Variants in AMIGO1 observed in about 807,000 individuals in gnomAD.
AMIGO1 encodes the protein adhesion molecule with Ig like domain 1.
For missense variants in AMIGO1, 361 were observed against 612.3 expected, an observed-to-expected ratio of 0.59 and a Z score of 4.33; for synonymous variants, 249 against 266.3, an observed-to-expected ratio of 0.93 and a Z score of 0.63.
rs1658005150 is a variant in AMIGO1 at position 109,505,780 on chromosome 1, T to G, written c.*1651A>C. On this transcript the variant is annotated 3_prime_UTR_variant, in exon 2 of 2. Coordinates refer to ENST00000369864, the MANE Select transcript of AMIGO1 (RefSeq NM_020703.4). ...CAGAAATCTAGAGGATCTGGAGAAC[T>G]TCCAATGGACTAGAAACGTGGGAGA... The G allele has an allele frequency of 6.6e-6, 1 of 152,148 alleles. No individual in the cohort carries two copies. The highest frequency in any genetic ancestry group is 6.5e-5 in the Admixed American group (1 of 15,290). The allele number at this position is 152,148 out of a possible 1,614,324, so 9.4% of individuals were successfully genotyped here.
Position 109,507,347 on chromosome 1 carries a change from G to A in AMIGO1, c.*84C>T. 1 of 1,507,438 alleles carries A rather than the reference G, an allele frequency of 6.6e-7. No individual in the cohort carries two copies. Among genetic ancestry groups the A allele is most frequent in the Non-Finnish European group, 8.9e-7 (1 of 1,123,686 alleles). 93.4% of individuals were successfully genotyped at this position (1,507,438 alleles called of 1,614,324 possible). A position where few individuals can be genotyped will look rare whatever the true frequency, so the allele number is the denominator to read the frequency against. On this transcript the variant is annotated 3_prime_UTR_variant, in exon 2 of 2. Coordinates refer to ENST00000369864, the MANE Select transcript of AMIGO1 (RefSeq NM_020703.4). The surrounding 1 kb of genome is among the most constrained non-coding windows in gnomAD (Gnocchi z 4.7). ...CAGGAGGAATCCATTCCCTTGGGCA[G>A]CCAGCCCTCTCTTCCATCCCCTCAT...
chr1:109,509,098 G>T, intron 1 of AMIGO1, 99 bp from the exon 2 acceptor site: 1 of 672,618 alleles, frequency 1.5e-6, no homozygotes, highest in Non-Finnish European at 2.5e-6. Context: ...CCCCCTTTGG[G>T]CTAGGAGAGA....
rs1201914548 is a variant in AMIGO1 at position 109,508,198 on chromosome 1, G to A, written c.715C>T (p.Arg239Trp). The A allele has an allele frequency of 1.2e-6, 2 of 1,614,104 alleles. No homozygotes were observed. Among genetic ancestry groups the A allele is most frequent in the Non-Finnish European group, 1.7e-6 (2 of 1,180,046 alleles). ...AAGTCCATCACGGAGCTCAGCTGCC[G>A]ATACTGCCAGTGTGAAAACAGCTGG... The part of the protein sequence containing the change: ...LYQLFSHWQY[R>W]QLSSVMDFQE... The change falls in exon 2 of 2, where the codon CGG (arginine) becomes TGG (tryptophan). Residue 239 changes from arginine to tryptophan, a missense_variant. Transcript: ENST00000369864. This position sits in a 1 kb window ranked among gnomAD's most constrained non-coding sequence, Gnocchi z 7.8.
In AMIGO1 at chr1:109,509,696, C is replaced by G. The variant is rs1571124645; in HGVS notation, c.-364G>C. On this transcript the variant is annotated 5_prime_UTR_variant, in exon 1 of 2. Transcript: ENST00000369864. ...GCGGGGAGCCGGAGGCGCAGCGATC[C>G]CAGCGGAGGGAGCGGCGTGGGGGCA... 6.7e-6 allele frequency: 1 copy of G among 150,362 alleles called. No individual in the cohort carries two copies. Among genetic ancestry groups the G allele is most frequent in the South Asian group, 2.1e-4 (1 of 4,826 alleles). The allele number at this position is 150,362 out of a possible 1,614,324, so 9.3% of individuals were successfully genotyped here. A position where few individuals can be genotyped will look rare whatever the true frequency, so the allele number is the denominator to read the frequency against.
Position 109,507,634 on chromosome 1 carries a change from G to A in AMIGO1, c.1279C>T (p.Pro427Ser), listed in dbSNP as rs747011267. The A allele has an allele frequency of 3.1e-6, 5 of 1,614,148 alleles. No homozygotes were observed. The South Asian group carries it at 4.4e-5, about 14-fold the overall frequency. Residue 427 changes from proline (P) to serine (S), a missense_variant, in exon 2 of 2, where the codon CCT becomes TCT. Pro to Ser is a moderately conservative substitution (Grantham distance 74). Coordinates refer to ENST00000369864, the MANE Select transcript of AMIGO1 (RefSeq NM_020703.4). This position sits in a 1 kb window ranked among gnomAD's most constrained non-coding sequence, Gnocchi z 4.7. ...TCATCTTTGTCCCCACCAGCCATAG[G>A]ATCATGGTTGGGTGTGGTACTAAGC... ...SMLSTTPNHD[P>S]MAGGDKDDGF... is the part of the protein sequence containing the mutation.
Position 109,508,421 on chromosome 1 carries a change from G to A in AMIGO1, c.492C>T (p.Tyr164=). The change falls in exon 2 of 2, where the codon TAC becomes TAT. Residue 164 remains tyrosine, a synonymous_variant. Coordinates refer to ENST00000369864, the MANE Select transcript of AMIGO1 (RefSeq NM_020703.4). The surrounding 1 kb of genome is among the most constrained non-coding windows in gnomAD (Gnocchi z 7.8). ...AGCGAGAGATCTGGTTCTGGCTCAA[G>A]TAGAGTTTCTGCAGCTGGGCCATGT... is the stretch of plus-strand genomic sequence containing the variant. ...FDDMAQLQKL[Y]LSQNQISRFP... 1 of 1,614,192 alleles carries A rather than the reference G, an allele frequency of 6.2e-7. No individual in the cohort carries two copies. Among genetic ancestry groups the A allele is most frequent in the South Asian group, 1.1e-5 (1 of 91,084 alleles).
At position 109,504,876 on chromosome 1, in the gene AMIGO1, C is replaced by A. The variant is rs1657978296; in HGVS notation, c.*2555G>T. 1 of 152,160 alleles carries A rather than the reference C, an allele frequency of 6.6e-6. No individual in the cohort carries two copies. Among genetic ancestry groups the A allele is most frequent in the African/African-American group, 2.4e-5 (1 of 41,426 alleles). The allele number at this position is 152,160 out of a possible 1,614,324, so 9.4% of individuals were successfully genotyped here. A position where few individuals can be genotyped will look rare whatever the true frequency, so the allele number is the denominator to read the frequency against. ...CCTCAGGAGCTCCATCACGATGCCCCAGAAGGCCTGCTTCATTTAACGCTC... is the reference window on the plus strand; with the variant it reads ...CCTCAGGAGCTCCATCACGATGCCCAAGAAGGCCTGCTTCATTTAACGCTC... On this transcript the variant is annotated 3_prime_UTR_variant, in exon 2 of 2. Transcript: ENST00000369864.
Position 109,507,210 on chromosome 1 carries a change from A to G in AMIGO1, c.*221T>C. ...ACTGAGAATTGGCAGGGCTTTGGGT[A>G]CGGGTGTAGCATTTGCCTGAGGATT... On this transcript the variant is annotated 3_prime_UTR_variant, in exon 2 of 2. Transcript: ENST00000369864. The surrounding 1 kb of genome is among the most constrained non-coding windows in gnomAD (Gnocchi z 4.7). 1.8e-6 allele frequency: 1 copy of G among 542,230 alleles called. No individual in the cohort carries two copies. The highest frequency in any genetic ancestry group is 3.2e-6 in the Non-Finnish European group (1 of 311,974). The allele number at this position is 542,230 out of a possible 1,614,324, so 33.6% of individuals were successfully genotyped here. A position where few individuals can be genotyped will look rare whatever the true frequency, so the allele number is the denominator to read the frequency against.
rs201670983 is a variant in AMIGO1 at position 109,508,640 on chromosome 1, C to T, written c.273G>A (p.Leu91=). 2.9e-5 allele frequency: 47 copies of T among 1,614,030 alleles called. No individual in the cohort carries two copies. Among genetic ancestry groups the T allele is most frequent in the Non-Finnish European group, 3.9e-5 (46 of 1,180,046 alleles). Residue 91 remains leucine, a synonymous_variant, in exon 2 of 2, where the codon CTG becomes CTA. Transcript: ENST00000369864. The surrounding 1 kb of genome is among the most constrained non-coding windows in gnomAD (Gnocchi z 7.8). ...AGTTCAGGTGGTTGTGGCTCAGCAG[C>T]AGGGAGTGCAGTTGGGTCAGGCGCG... ...TPTRLTQLHS[L]LLSHNHLNFI...
chr1:109,509,113 T>C lies in AMIGO1; in HGVS notation c.-87-114A>G. ...CCCCCTTTGGGCTAGGAGAGAGAGATGCTGGGTAGTTTCCAGGCACTGTGC... is the reference window on the plus strand; with the variant it reads ...CCCCCTTTGGGCTAGGAGAGAGAGACGCTGGGTAGTTTCCAGGCACTGTGC... On this transcript the variant is annotated intron_variant, in intron 1 of 1. Transcript: ENST00000369864. The C allele has an allele frequency of 4.8e-6, 3 of 623,330 alleles. No homozygotes were observed. In the South Asian group the frequency reaches 6.3e-5, roughly 13 times the overall value. The allele number at this position is 623,330 out of a possible 1,614,324, so 38.6% of individuals were successfully genotyped here. A position where few individuals can be genotyped will look rare whatever the true frequency, so the allele number is the denominator to read the frequency against.
Position 109,506,846 on chromosome 1 carries a change from T to A in AMIGO1, c.*585A>T, listed in dbSNP as rs1658033789. ...ACATCAGGAAAAAGGAAGGCTTTAA[T>A]GCAAAGTCTTACAACAGCTTTGGGG... On this transcript the variant is annotated 3_prime_UTR_variant, in exon 2 of 2. Coordinates refer to ENST00000369864, the MANE Select transcript of AMIGO1 (RefSeq NM_020703.4). The A allele has an allele frequency of 6.5e-6, 1 of 154,106 alleles. No homozygotes were observed. The highest frequency in any genetic ancestry group is 2.4e-5 in the African/African-American group (1 of 41,460). The allele number at this position is 154,106 out of a possible 1,614,324, so 9.5% of individuals were successfully genotyped here.
In AMIGO1 at chr1:109,508,616, G is replaced by A. The variant is rs1658084319; in HGVS notation, c.297C>T (p.Asn99=). 5 of 1,611,244 alleles carry A rather than the reference G, an allele frequency of 3.1e-6. No homozygotes were observed. In the Admixed American group the frequency reaches 5.0e-5, roughly 16 times the overall value. Residue 99 remains asparagine (N), a synonymous_variant, in exon 2 of 2, where the codon AAC becomes AAT. Transcript: ENST00000369864. The surrounding 1 kb of genome is among the most constrained non-coding windows in gnomAD (Gnocchi z 7.8). ...GGGAAAAGGCCTCAGAGGAGATGAA[G>A]TTCAGGTGGTTGTGGCTCAGCAGCA... is the stretch of plus-strand genomic sequence containing the variant. ...HSLLLSHNHL[N]FISSEAFSPV... is the part of the protein sequence containing the mutation.
rs1259789365 is a variant in AMIGO1, at chr1:109,508,493, C to T, written c.420G>A (p.Leu140=). ...FSDLQVLEVL[L]LYNNHIMAVD... is the part of the protein sequence containing the mutation. ...CCGCCATGATGTGGTTATTGTAGAG[C>T]AGCAGCACCTCCAGTACTTGCAGGT... Residue 140 remains leucine (L), a synonymous_variant, in exon 2 of 2, where the codon CTG becomes CTA. Coordinates refer to ENST00000369864, the MANE Select transcript of AMIGO1 (RefSeq NM_020703.4). This position sits in a 1 kb window ranked among gnomAD's most constrained non-coding sequence, Gnocchi z 7.8. 1 of 1,614,154 alleles carries T rather than the reference C, an allele frequency of 6.2e-7. No homozygotes were observed.
In AMIGO1 at chr1:109,507,424, A is replaced by G. The variant is rs1260295000; in HGVS notation, c.*7T>C. ...TGGGGCAGAATCTCCCCACCAACCC[A>G]TCCTGCTCACACCACAATGGGCGTA... On this transcript the variant is annotated 3_prime_UTR_variant, in exon 2 of 2. Transcript: ENST00000369864. The surrounding 1 kb of genome is among the most constrained non-coding windows in gnomAD (Gnocchi z 4.7). 4 of 1,588,790 alleles carry G rather than the reference A, an allele frequency of 2.5e-6. No individual in the cohort carries two copies. In the African/African-American group the frequency reaches 5.4e-5, roughly 21 times the overall value.
rs926732853 is a variant in AMIGO1 at position 109,506,549 on chromosome 1, C to G, written c.*882G>C. 1.3e-5 allele frequency: 2 copies of G among 152,252 alleles called. No homozygotes were observed. The highest frequency in any genetic ancestry group is 4.8e-5 in the African/African-American group (2 of 41,456). 9.4% of individuals were successfully genotyped at this position (152,252 alleles called of 1,614,324 possible). On this transcript the variant is annotated 3_prime_UTR_variant, in exon 2 of 2. Coordinates refer to ENST00000369864, the MANE Select transcript of AMIGO1 (RefSeq NM_020703.4). ...TGGCAGGCATCCATAAAAGCTCTGC[C>G]TTCAGCAGCCCCCACTCTGGCCTGA...
In AMIGO1 at chr1:109,508,513, G is replaced by C. The variant is rs1658082280; in HGVS notation, c.400C>G (p.Gln134Glu). The C allele has an allele frequency of 6.2e-7, 1 of 1,614,172 alleles. No homozygotes were observed. Among genetic ancestry groups the C allele is most frequent in the Non-Finnish European group, 8.5e-7 (1 of 1,180,028 alleles). Residue 134 changes from glutamine to glutamate, a missense_variant, in exon 2 of 2, where the codon CAA becomes GAA. By Grantham distance (29) the Gln-to-Glu change is conservative. Coordinates refer to ENST00000369864, the MANE Select transcript of AMIGO1 (RefSeq NM_020703.4). This position sits in a 1 kb window ranked among gnomAD's most constrained non-coding sequence, Gnocchi z 7.8. ...TLDEFLFSDL[Q>E]VLEVLLLYNN... ...TAGAGCAGCAGCACCTCCAGTACTT[G>C]CAGGTCACTGAACAGGAACTCATCC...
chr1:109,507,234 T>C lies in AMIGO1; in HGVS notation c.*197A>G. 1.6e-6 allele frequency: 1 copy of C among 641,462 alleles called. No individual in the cohort carries two copies. Among genetic ancestry groups the C allele is most frequent in the Non-Finnish European group, 2.6e-6 (1 of 385,982 alleles). The allele number at this position is 641,462 out of a possible 1,614,324, so 39.7% of individuals were successfully genotyped here. ...TACGGGTGTAGCATTTGCCTGAGGATTAATATACCCCCATTTGAAAATCGT... is the reference window on the plus strand; with the variant it reads ...TACGGGTGTAGCATTTGCCTGAGGACTAATATACCCCCATTTGAAAATCGT... On this transcript the variant is annotated 3_prime_UTR_variant, in exon 2 of 2. Transcript: ENST00000369864. The surrounding 1 kb of genome is among the most constrained non-coding windows in gnomAD (Gnocchi z 4.7).
chr1:109,509,183 G>A (rs947097561), intron 1 of AMIGO1, among the ~76,000 whole-genome samples, 184 bp from the exon 2 acceptor site: 1 of 152,182 alleles, frequency 6.6e-6, no homozygotes, highest in African/African-American at 2.4e-5. Flanking sequence ...GTGGCCCGAG[G>A]GCCTACTGGG....
Position 109,506,404 on chromosome 1 carries a change from G to A in AMIGO1, c.*1027C>T, listed in dbSNP as rs1658024288. On this transcript the variant is annotated 3_prime_UTR_variant, in exon 2 of 2. Coordinates refer to ENST00000369864, the MANE Select transcript of AMIGO1 (RefSeq NM_020703.4). Reference sequence around the variant, plus strand: ...TCAGAATCCCACCTGAGCTTGATAAGGAGACTGGATGAAGAGATGGCATAC... The same window carrying A: ...TCAGAATCCCACCTGAGCTTGATAAAGAGACTGGATGAAGAGATGGCATAC... The A allele has an allele frequency of 6.6e-6, 1 of 152,238 alleles. No individual in the cohort carries two copies. Among genetic ancestry groups the A allele is most frequent in the Non-Finnish European group, 1.5e-5 (1 of 68,052 alleles). The allele number at this position is 152,238 out of a possible 1,614,324, so 9.4% of individuals were successfully genotyped here. A position where few individuals can be genotyped will look rare whatever the true frequency, so the allele number is the denominator to read the frequency against.
Sources: allele counts gnomAD v4.1 joint callset (sites outside exome capture counted in the v4.1 genomes callset), GRCh38; gene constraint gnomAD v4.1.1; non-coding constraint Gnocchi (gnomAD v3.1); transcripts MANE v1.5; gene names NCBI Gene and HGNC (gene_info 2026-07-23, HGNC 2026-07-21).